Variants in ARHGAP15 observed in about 807,000 individuals in gnomAD.
ARHGAP15 encodes the protein rho GTPase-activating protein 15.
A neutral mutation model predicts 63.7 loss-of-function variants in ARHGAP15; 51 were observed. That is an observed-to-expected ratio of 0.80 (90% confidence interval 0.64 to 1.01). The LOEUF (loss-of-function observed/expected upper bound fraction) is 1.01, where lower values mean the gene tolerates loss of function less well. ARHGAP15 is among the 50% of genes least tolerant of loss of function. The probability of loss-of-function intolerance (pLI) is 0.00; values close to 1 mark genes in which losing one functional copy is unlikely to be tolerated. For synonymous variants in ARHGAP15, 191 were observed against 193.8 expected, an observed-to-expected ratio of 0.99 and a Z score of 0.12; for missense variants, 560 against 564.6, an observed-to-expected ratio of 0.99 and a Z score of 0.08.
At chr2:143,167,828 G>T (rs1279872383) in intron 2 of ARHGAP15, among the ~76,000 whole-genome samples, 4 of 152,072 alleles carry the variant, frequency 2.6e-5, no homozygotes, top group African/African-American at 9.7e-5. Flanking sequence ...TGGTTGGAAT[G>T]GTGTTTTTAA....
At chr2:143,510,739 GT>G (rs146716666) in intron 9 of ARHGAP15, among the ~76,000 whole-genome samples, 2,668 of 152,300 alleles carry the variant, frequency 0.018, 40 homozygotes, top group African/African-American at 0.041. Context: ...TGTCTGATTT[GT>G]TTTTGTGACT....
At chr2:143,406,939 A>T (rs552624275) in intron 6 of ARHGAP15, among the ~76,000 whole-genome samples, 11 of 152,036 alleles carry the variant, frequency 7.2e-5, no homozygotes, top group Middle Eastern at 3.4e-3. Context: ...ACAGGAGAAC[A>T]TCAAAGGGCC....
intron 10 of ARHGAP15, among the ~76,000 whole-genome samples, chr2:143,540,860 G>A (rs929986770): frequency 5.9e-5 from 9 of 152,066 alleles, no homozygotes; most frequent in South Asian, 2.1e-4. Flanking sequence ...GTGTCTTGGC[G>A]TTGCTCTTCC....
chr2:143,711,486 T>G (rs542094423), intron 13 of ARHGAP15, among the ~76,000 whole-genome samples: 78 of 152,252 alleles, frequency 5.1e-4, no homozygotes, highest in Non-Finnish European at 1.1e-3. Context: ...GGAAGAGAAC[T>G]GCAATGTGGT....
chr2:143,725,240 A>C (rs1685226515), intron 13 of ARHGAP15, among the ~76,000 whole-genome samples: 1 of 152,212 alleles, frequency 6.6e-6, no homozygotes, highest in South Asian at 2.1e-4. Flanking sequence ...CTGTTTCTTA[A>C]GGACACAGCA....
chr2:143,646,215 T>C (rs1486340061), intron 12 of ARHGAP15, among the ~76,000 whole-genome samples: 1 of 152,060 alleles, frequency 6.6e-6, no homozygotes, highest in African/African-American at 2.4e-5. Flanking sequence ...TGTCAGTGCA[T>C]TCTTCTATTC....
At chr2:143,220,580 T>G (rs1692951929) in intron 4 of ARHGAP15, among the ~76,000 whole-genome samples, 1 of 152,210 alleles carries the variant, frequency 6.6e-6, no homozygotes, top group Admixed American at 6.5e-5. Flanking sequence ...CCATTTTAAA[T>G]GAATCTTAGT....
chr2:143,199,393 C>T (rs1190012586), intron 2 of ARHGAP15, among the ~76,000 whole-genome samples: 1 of 152,126 alleles, frequency 6.6e-6, no homozygotes, highest in Non-Finnish European at 1.5e-5. Context: ...TTCAGGAACT[C>T]CCTCTGCAAC....
chr2:143,520,027 AT>A (rs1260968473), intron 10 of ARHGAP15, among the ~76,000 whole-genome samples: 1 of 152,182 alleles, frequency 6.6e-6, no homozygotes, highest in African/African-American at 2.4e-5. Context: ...ATTCAAGGTC[AT>A]TTTTCCTGGA....
At chr2:143,528,619 C>T (rs1355764394) in intron 10 of ARHGAP15, among the ~76,000 whole-genome samples, 2 of 152,084 alleles carry the variant, frequency 1.3e-5, no homozygotes, top group Non-Finnish European at 2.9e-5. Context: ...CTATCAAAAG[C>T]TCTGTAAAGA....
At chr2:143,440,961 G>A (rs1689849522) in intron 8 of ARHGAP15, among the ~76,000 whole-genome samples, 1 of 152,134 alleles carries the variant, frequency 6.6e-6, no homozygotes, top group Non-Finnish European at 1.5e-5. Flanking sequence ...GATAACCTTG[G>A]CGAGGTTTCT....
intron 13 of ARHGAP15, among the ~76,000 whole-genome samples, chr2:143,757,666 A>G (rs1314614324): frequency 6.6e-6 from 1 of 152,168 alleles, no homozygotes; most frequent in Non-Finnish European, 1.5e-5. Context: ...AACAAATGTC[A>G]TAGGGAAAAT....
At chr2:143,318,509 CTTT>C (rs535910161) in intron 6 of ARHGAP15, among the ~76,000 whole-genome samples, 967 of 55,462 alleles carry the variant, frequency 0.017, 14 homozygotes, top group African/African-American at 0.062. Flanking sequence ...GATTAAGGGC[CTTT>C]TTTTTTTTTT....
intron 6 of ARHGAP15, among the ~76,000 whole-genome samples, chr2:143,280,078 T>TG (rs1354410170): frequency 6.6e-6 from 1 of 152,184 alleles, no homozygotes; most frequent in African/African-American, 2.4e-5. Context: ...ATTCAACCTA[T>TG]AATTCTTCAC....
At chr2:143,486,408 C>CAAAAAAA (rs35904219) in intron 8 of ARHGAP15, among the ~76,000 whole-genome samples, 1,417 of 133,214 alleles carry the variant, frequency 0.011, 33 homozygotes, top group African/African-American at 0.038. Flanking sequence ...CCATTTCTAC[C>CAAAAAAA]AAAAAAAAAA....
chr2:143,535,611 A>T (rs1694719987), intron 10 of ARHGAP15, among the ~76,000 whole-genome samples: 2 of 152,218 alleles, frequency 1.3e-5, no homozygotes, highest in African/African-American at 4.8e-5. Context: ...AACCAATGGC[A>T]TAAAATCCAA....
rs189314273 is a variant in ARHGAP15 at position 143,261,255 on chromosome 2, G to A, written c.474+10655G>A. On this transcript the variant is annotated intron_variant, in intron 6 of 13. Transcript: ENST00000295095. ...ATTGCTGGATGTTACATTTTATAGT[G>A]GGGCATTTGATGGTGTATTTGTTTA... Among the ~76,000 whole-genome samples, 421 of 151,808 alleles carry A rather than the reference G, an allele frequency of 2.8e-3. 1 individual carries two copies. Among genetic ancestry groups the A allele is most frequent in the Admixed American group, 5.1e-3 (78 of 15,232 alleles).
intron 6 of ARHGAP15, among the ~76,000 whole-genome samples, chr2:143,394,489 C>T (rs1022116350): frequency 2.0e-5 from 3 of 152,166 alleles, no homozygotes; most frequent in African/African-American, 7.2e-5. Flanking sequence ...GCCTTATACC[C>T]TCTGTAAGTC....
intron 11 of ARHGAP15, among the ~76,000 whole-genome samples, chr2:143,573,969 T>A (rs1165947087): frequency 6.6e-6 from 1 of 152,238 alleles, no homozygotes; most frequent in African/African-American, 2.4e-5. Flanking sequence ...ATGAATTATT[T>A]TTAGTCTGTG....
Sources: gnomAD v4.1 joint callset for allele counts (sites outside exome capture counted in the v4.1 genomes callset) on GRCh38, gnomAD v4.1.1 for gene constraint, MANE v1.5 for transcripts, NCBI Gene and HGNC (gene_info 2026-07-23, HGNC 2026-07-21) for gene names.